The following CNOT2 variants were observed in gnomAD, a reference collection of about 807,000 sequenced individuals.
The protein encoded by CNOT2 is CC chemokine receptor 4-negative regulator of transcription 2.
Under a neutral mutation model 72.1 loss-of-function variants are expected in CNOT2, and 7 were observed. The observed-to-expected ratio is 0.10, with a 90% confidence interval of 0.06 to 0.18. CNOT2 has a LOEUF of 0.18. CNOT2 is among the 10% of genes least tolerant of loss of function. The probability of loss-of-function intolerance (pLI) is 1.00; values close to 1 mark genes in which losing one functional copy is unlikely to be tolerated. For missense variants in CNOT2, 345 were observed against 660.3 expected (o/e 0.52, Z 5.23); for synonymous variants, 196 against 225.6 (o/e 0.87, Z 1.17).
chr12:70,331,088 T>C (rs1211027367), intron 6 of CNOT2: 1 of 152,022 alleles, frequency 6.6e-6, no homozygotes, highest in Non-Finnish European at 1.5e-5. Flanking sequence ...TGTATGAGAA[T>C]TATGTCTGAA....
At chr12:70,298,598 T>C (rs933505000) in intron 2 of CNOT2, among the ~76,000 whole-genome samples, 1 of 152,230 alleles carries the variant, frequency 6.6e-6, no homozygotes, top group African/African-American at 2.4e-5. Context: ...CACAATAATT[T>C]ATTATTATTT....
intron 1 of CNOT2, among the ~76,000 whole-genome samples, chr12:70,252,632 T>G (rs1008518258): frequency 6.6e-6 from 1 of 152,180 alleles, no homozygotes; most frequent in East Asian, 1.9e-4. Flanking sequence ...GAGAGTTATA[T>G]TCTGAAATTT....
At chr12:70,353,776 A>ATTT in intron 15 of CNOT2, 53 bp from the exon 16 acceptor site, 1 of 1,593,334 alleles carries the variant, frequency 6.3e-7, no homozygotes, top group Non-Finnish European at 8.5e-7. Flanking sequence ...GTATTTTGAC[A>ATTT]AATGTAAAAT....
chr12:70,335,286 G>A, intron 7 of CNOT2, 152 bp from the exon 8 acceptor site: 1 of 512,276 alleles, frequency 2.0e-6, no homozygotes. Context: ...CAATCTGCAA[G>A]TATCTTTTGA....
At chr12:70,314,947 T>A (rs1877076004) in intron 3 of CNOT2, among the ~76,000 whole-genome samples, 1 of 152,120 alleles carries the variant, frequency 6.6e-6, no homozygotes, top group South Asian at 2.1e-4. Context: ...CACAGCAACC[T>A]CCGCCTCCTG....
At chr12:70,339,877 C>CACCTAT (rs1390670154) in intron 11 of CNOT2, among the ~76,000 whole-genome samples, 1 of 152,154 alleles carries the variant, frequency 6.6e-6, no homozygotes, top group African/African-American at 2.4e-5. Context: ...CAGCCACCTA[C>CACCTAT]ACCTATGTTA....
At chr12:70,258,458 G>A (rs949153633) in intron 1 of CNOT2, among the ~76,000 whole-genome samples, 1 of 152,102 alleles carries the variant, frequency 6.6e-6, no homozygotes, top group African/African-American at 2.4e-5. Flanking sequence ...TCATATCTGT[G>A]GATGTATTTG....
At chr12:70,346,829 C>T (rs977107210) in intron 15 of CNOT2, among the ~76,000 whole-genome samples, 1 of 152,156 alleles carries the variant, frequency 6.6e-6, no homozygotes, top group Non-Finnish European at 1.5e-5. Flanking sequence ...GAGAAATCGG[C>T]TATGGAGAAA....
chr12:70,243,696 T>G (rs1444771786), intron 1 of CNOT2: 4 of 12,346 alleles, frequency 3.2e-4, no homozygotes, highest in Admixed American at 9.1e-4. Context: ...GTGGCGGCGG[T>G]GGAGGGAGGG....
intron 1 of CNOT2, among the ~76,000 whole-genome samples, chr12:70,260,502 A>G (rs930050869): frequency 1.3e-5 from 2 of 152,080 alleles, no homozygotes; most frequent in Non-Finnish European, 2.9e-5. Flanking sequence ...ACCTTGTTGC[A>G]CTTGTTTACT....
At position 70,353,714 on chromosome 12, in the gene CNOT2, G is replaced by A. The variant is rs557801853; in HGVS notation, c.1537-115G>A. 1.8e-5 allele frequency: 27 copies of A among 1,468,198 alleles called. No individual in the cohort carries two copies. The Admixed American group carries it at 6.3e-4, about 34-fold the overall frequency. 90.9% of individuals were successfully genotyped at this position (1,468,198 alleles called of 1,614,324 possible). On this transcript the variant is annotated intron_variant, in intron 15 of 15. Coordinates refer to ENST00000229195, the MANE Select transcript of CNOT2 (RefSeq NM_014515.7). ...GAGGAAAAACAGTTGGTATATCTGT[G>A]TTGATGTTGATTCATATATATTGGG...
intron 15 of CNOT2, among the ~76,000 whole-genome samples, chr12:70,348,635 A>G (rs1234908705): frequency 6.6e-6 from 1 of 152,152 alleles, no homozygotes; most frequent in East Asian, 1.9e-4. Flanking sequence ...CAGCTACATA[A>G]TTTTAGTTAA....
intron 1 of CNOT2, among the ~76,000 whole-genome samples, chr12:70,244,758 T>C (rs1249782422): frequency 3.3e-5 from 5 of 152,216 alleles, no homozygotes; most frequent in African/African-American, 1.2e-4. Flanking sequence ...GAACCCTTAG[T>C]TCTTGGCGAA....
intron 2 of CNOT2, chr12:70,285,591 GTTTT>G (rs1870745228): frequency 6.6e-6 from 1 of 151,202 alleles, no homozygotes; most frequent in Non-Finnish European, 1.5e-5. Context: ...TGGCAGGTTA[GTTTT>G]TTGTTTTTTT....
At position 70,329,484 on chromosome 12, in the gene CNOT2, A is replaced by G; in HGVS notation, c.300A>G (p.Leu100=). ...SNNTPQLNRS[L]SQGTQLPSHV... ...ATACCCCTCAGTTAAATCGCAGCTT[A>G]TCACAAGGCACTCAGTTACCGAGCC... The change falls in exon 5 of 16, where the codon TTA becomes TTG. Residue 100 remains leucine (L), a synonymous_variant. Coordinates refer to ENST00000229195, the MANE Select transcript of CNOT2 (RefSeq NM_014515.7). 2 of 1,611,928 alleles carry G rather than the reference A, an allele frequency of 1.2e-6. No homozygotes were observed. The highest frequency in any genetic ancestry group is 1.7e-6 in the Non-Finnish European group (2 of 1,178,458).
chr12:70,337,414 T>C lies in CNOT2; in HGVS notation c.801T>C (p.Asn267=), dbSNP rs763979513. Residue 267 remains asparagine (N), a synonymous_variant, in exon 9 of 16, where the codon AAT becomes AAC. Coordinates refer to ENST00000229195, the MANE Select transcript of CNOT2 (RefSeq NM_014515.7). ...TTGGAATGGTAACAAAACCAGCAAA[T>C]GAACAATCCCAGGACTTCTCAATAC... ...PYVGMVTKPA[N]EQSQDFSIHN... The C allele has an allele frequency of 3.1e-6, 5 of 1,609,470 alleles. No homozygotes were observed. The Admixed American group carries it at 5.0e-5, about 16-fold the overall frequency.
intron 2 of CNOT2, among the ~76,000 whole-genome samples, chr12:70,296,104 GGAAA>G (rs772724003): frequency 1.3e-5 from 2 of 151,970 alleles, no homozygotes; most frequent in Non-Finnish European, 2.9e-5. Flanking sequence ...TTTTGGATTA[GGAAA>G]GAGTGATGTG....
At position 70,248,048 on chromosome 12, in the gene CNOT2, C is replaced by T. The variant is rs184752236; in HGVS notation, c.-96+4568C>T. ...GAGTGATTAATACCCTGTTTTGCTT[C>T]TGGCAGGATGTTTAGATCTGTATTT... On this transcript the variant is annotated intron_variant, in intron 1 of 15. Transcript: ENST00000229195. Among the ~76,000 whole-genome samples, 40 of 152,244 alleles carry T rather than the reference C, an allele frequency of 2.6e-4. No homozygotes were observed. In the East Asian group the frequency reaches 5.2e-3, roughly 20 times the overall value.
chr12:70,289,041 C>A (rs144496775), intron 2 of CNOT2, among the ~76,000 whole-genome samples: 1 of 151,874 alleles, frequency 6.6e-6, no homozygotes, highest in Non-Finnish European at 1.5e-5. Context: ...CCTTGCCCTG[C>A]TTTATTTTCT....
Sources: gnomAD v4.1 joint callset for allele counts (sites outside exome capture counted in the v4.1 genomes callset) on GRCh38, gnomAD v4.1.1 for gene constraint, MANE v1.5 for transcripts, NCBI Gene and HGNC (gene_info 2026-07-23, HGNC 2026-07-21) for gene names.